SULF1: variants seen among roughly 807,000 people sequenced by gnomAD.
The protein encoded by SULF1 is extracellular sulfatase Sulf-1.
Under a neutral mutation model 110.5 loss-of-function variants are expected in SULF1, and 46 were observed. That is an observed-to-expected ratio of 0.42 (90% confidence interval 0.33 to 0.53). SULF1 has a LOEUF of 0.53. Among genes scored for constraint, SULF1 ranks in the 20% least tolerant of loss-of-function variants. The probability of loss-of-function intolerance (pLI) is 0.12; values close to 1 mark genes in which losing one functional copy is unlikely to be tolerated. For missense variants in SULF1, 941 were observed against 1,094.2 expected (o/e 0.86, Z 1.98); for synonymous variants, 371 against 387.1 (o/e 0.96, Z 0.49).
At chr8:69,608,780 G>A (rs1808419611) in intron 13 of SULF1, among the ~76,000 whole-genome samples, 2 of 152,058 alleles carry the variant, frequency 1.3e-5, no homozygotes, top group African/African-American at 4.8e-5. Context: ...CAACCAGCGG[G>A]GACTAATTAA....
intron 22 of SULF1, among the ~76,000 whole-genome samples, chr8:69,645,712 G>A (rs2130709261): frequency 6.6e-6 from 1 of 150,440 alleles, no homozygotes; most frequent in East Asian, 1.9e-4. Context: ...CAGAAGGCAA[G>A]ACTCGTGTGG....
chr8:69,644,557 C>T (rs1185552721), intron 22 of SULF1, among the ~76,000 whole-genome samples: 7 of 151,834 alleles, frequency 4.6e-5, no homozygotes, highest in East Asian at 3.9e-4. Flanking sequence ...AGGCAGATCA[C>T]GAGGTCAGGA....
chr8:69,518,189 T>C (rs1812064215), intron 3 of SULF1, among the ~76,000 whole-genome samples: 1 of 152,248 alleles, frequency 6.6e-6, no homozygotes, highest in Non-Finnish European at 1.5e-5. Flanking sequence ...GAGACAGAAT[T>C]CACTTTTTTA....
chr8:69,638,837 A>G lies in SULF1; in HGVS notation c.2530A>G (p.Arg844Gly), dbSNP rs1481684698. The G allele has an allele frequency of 3.1e-6, 5 of 1,608,954 alleles. No individual in the cohort carries two copies. In the African/African-American group the frequency reaches 6.7e-5, roughly 22 times the overall value. The stretch of plus-strand genomic sequence containing the variant: ...TCAAGGATATAAGCAGTGCAACCCA[A>G]GACCTAAGAATCTTGATGTTGGTAA... ...SCQGYKQCNP[R>G]PKNLDVGNKD... The change falls in exon 21 of 23, where the codon AGA (arginine) becomes GGA (glycine). Residue 844 changes from arginine (R) to glycine (G), a missense_variant. By Grantham distance (125) the Arg-to-Gly change is moderately radical. Coordinates refer to ENST00000402687, the MANE Select transcript of SULF1 (RefSeq NM_001128205.2).
At chr8:69,631,651 T>C (rs966557073) in intron 19 of SULF1, among the ~76,000 whole-genome samples, 9 of 152,272 alleles carry the variant, frequency 5.9e-5, no homozygotes, top group African/African-American at 2.2e-4. Flanking sequence ...CCTCCTGTTC[T>C]TGCCTGCTTC....
chr8:69,630,527 G>A (rs1365144227), intron 19 of SULF1, among the ~76,000 whole-genome samples: 3 of 152,144 alleles, frequency 2.0e-5, no homozygotes, highest in Non-Finnish European at 4.4e-5. Flanking sequence ...CCATTTTGAT[G>A]TCTCTTGATT....
intron 6 of SULF1, among the ~76,000 whole-genome samples, 181 bp downstream of exon 6, chr8:69,576,390 AT>A (rs1477311835): frequency 1.3e-5 from 2 of 152,232 alleles, no homozygotes; most frequent in Non-Finnish European, 2.9e-5. Context: ...ATTATTTATT[AT>A]TTATTAATTA....
chr8:69,569,225 A>G (rs772526954), intron 5 of SULF1, among the ~76,000 whole-genome samples: 3 of 152,206 alleles, frequency 2.0e-5, no homozygotes, highest in Non-Finnish European at 2.9e-5. Context: ...CTATGAGTAC[A>G]TGGAGATATT....
chr8:69,481,836 T>C (rs1809532916), intron 1 of SULF1, among the ~76,000 whole-genome samples: 1 of 152,246 alleles, frequency 6.6e-6, no homozygotes, highest in South Asian at 2.1e-4. Context: ...GCTAAGCCTA[T>C]ACATTAGACA....
chr8:69,476,340 T>C (rs769309769), intron 1 of SULF1, among the ~76,000 whole-genome samples: 1 of 152,188 alleles, frequency 6.6e-6, no homozygotes, highest in Non-Finnish European at 1.5e-5. Flanking sequence ...CCATTTCCTA[T>C]TCAAAATAAG....
intron 10 of SULF1, 27 bp from the exon 11 acceptor site, chr8:69,603,165 C>A: frequency 1.9e-6 from 3 of 1,612,956 alleles, no homozygotes; most frequent in Non-Finnish European, 2.5e-6. Context: ...CATTGGATCT[C>A]AGCCATCACC....
intron 6 of SULF1, among the ~76,000 whole-genome samples, chr8:69,583,204 A>T (rs1235303576): frequency 6.6e-6 from 1 of 152,192 alleles, no homozygotes; most frequent in African/African-American, 2.4e-5. Flanking sequence ...ATAAGAAATA[A>T]CAATTTTAGA....
chr8:69,638,553 T>C lies in SULF1; in HGVS notation c.2336T>C (p.Leu779Ser). The change falls in exon 20 of 23, where the codon TTG (leucine) becomes TCG (serine). Residue 779 changes from leucine to serine, a missense_variant. Coordinates refer to ENST00000402687, the MANE Select transcript of SULF1 (RefSeq NM_001128205.2). ...TCTAACAATAACACCTACTGGTGTT[T>C]GCGTACAGTTAATGAGACGCATAAT... The part of the protein sequence containing the change: ...TSSNNNTYWC[L>S]RTVNETHNFL... 6.2e-7 allele frequency: 1 copy of C among 1,614,068 alleles called. No homozygotes were observed. Among genetic ancestry groups the C allele is most frequent in the Non-Finnish European group, 8.5e-7 (1 of 1,180,000 alleles).
At chr8:69,647,806 G>A (rs1364268214) in intron 22 of SULF1, among the ~76,000 whole-genome samples, 1 of 151,834 alleles carries the variant, frequency 6.6e-6, no homozygotes, top group Non-Finnish European at 1.5e-5. Flanking sequence ...ACAGGAGAAT[G>A]GCTTGAACCC....
chr8:69,654,222 A>G (rs1812552024), intron 22 of SULF1, among the ~76,000 whole-genome samples: 1 of 152,172 alleles, frequency 6.6e-6, no homozygotes, highest in Non-Finnish European at 1.5e-5. Context: ...CTTCAGCCTC[A>G]GTTACTATTC....
chr8:69,481,895 G>A (rs956012953), intron 1 of SULF1, among the ~76,000 whole-genome samples: 1 of 152,052 alleles, frequency 6.6e-6, no homozygotes, highest in Non-Finnish European at 1.5e-5. Flanking sequence ...CTCAGTTGTT[G>A]TTTATAATGA....
chr8:69,474,993 A>G (rs529266423), intron 1 of SULF1, among the ~76,000 whole-genome samples: 3 of 152,312 alleles, frequency 2.0e-5, no homozygotes, highest in Admixed American at 2.0e-4. Context: ...CTTTTCAAAT[A>G]AAAATAGCCC....
chr8:69,484,550 T>C (rs543660633), intron 1 of SULF1, among the ~76,000 whole-genome samples: 23 of 152,350 alleles, frequency 1.5e-4, no homozygotes, highest in African/African-American at 5.3e-4. Flanking sequence ...AATTTCACTT[T>C]TAAGAAATTT....
intron 15 of SULF1, among the ~76,000 whole-genome samples, chr8:69,626,906 G>A (rs1409403650): frequency 6.6e-6 from 1 of 152,248 alleles, no homozygotes; most frequent in Non-Finnish European, 1.5e-5. Flanking sequence ...GGCCAGCTCA[G>A]AAAGGGGCTC....
Sources: allele counts gnomAD v4.1 joint callset (sites outside exome capture counted in the v4.1 genomes callset), GRCh38; gene constraint gnomAD v4.1.1; transcripts MANE v1.5; gene names NCBI Gene and HGNC (gene_info 2026-07-23, HGNC 2026-07-21).